WDFY3: variants seen among roughly 807,000 people sequenced by gnomAD.
WDFY3 encodes WD repeat and FYVE domain-containing protein 3.
In WDFY3, 66 loss-of-function variants were observed where a neutral mutation model predicts 409.6. The ratio of observed to expected loss-of-function variants is 0.16; its 90% CI spans 0.13 to 0.20. The LOEUF (loss-of-function observed/expected upper bound fraction) is 0.20, where lower values mean the gene tolerates loss of function less well. Among genes scored for constraint, WDFY3 ranks in the 10% least tolerant of loss-of-function variants. WDFY3 has a pLI of 1.00. For missense variants in WDFY3, 3,031 were observed against 4,298.1 expected, an observed-to-expected ratio of 0.71 and a Z score of 8.24; for synonymous variants, 1,521 against 1,537.1, an observed-to-expected ratio of 0.99 and a Z score of 0.25.
intron 1 of WDFY3, among the ~76,000 whole-genome samples, chr4:84,941,171 A>C (rs1345351773): frequency 6.6e-6 from 1 of 152,068 alleles, no homozygotes; most frequent in East Asian, 1.9e-4. Context: ...GAATGGAAGA[A>C]GTAAAACTGT....
At chr4:84,765,763 A>G (rs1471174600) in intron 32 of WDFY3, 47 bp downstream of exon 32, 8 of 1,553,548 alleles carry the variant, frequency 5.1e-6, no homozygotes, top group Non-Finnish European at 7.1e-6. Flanking sequence ...AAATAAAACA[A>G]AACACACCAG....
intron 3 of WDFY3, among the ~76,000 whole-genome samples, chr4:84,887,748 C>T (rs1012141606): frequency 7.9e-5 from 12 of 152,190 alleles, no homozygotes; most frequent in Non-Finnish European, 1.2e-4. Context: ...GAATTCAAGA[C>T]ATATAAGTCC....
chr4:84,825,660 A>C (rs1325141248), intron 10 of WDFY3, among the ~76,000 whole-genome samples: 1 of 152,136 alleles, frequency 6.6e-6, no homozygotes, highest in East Asian at 1.9e-4. Context: ...GACGCCATCT[A>C]TTTTCACTGA....
rs542226857 is a variant in WDFY3 at position 84,709,215 on chromosome 4, A to C, written c.8097+78T>G. On this transcript the variant is annotated intron_variant, in intron 52 of 67. Transcript: ENST00000295888. ...TCTCTATGGTATATATTTTATGGAT[A>C]ATTAAAGTGCTTTTAACTGTATGAC... 13 of 1,449,462 alleles carry C rather than the reference A, an allele frequency of 9.0e-6. No homozygotes were observed. In the East Asian group the frequency reaches 3.0e-4, roughly 33 times the overall value. The allele number at this position is 1,449,462 out of a possible 1,614,324, so 89.8% of individuals were successfully genotyped here. A position where few individuals can be genotyped will look rare whatever the true frequency, so the allele number is the denominator to read the frequency against.
chr4:84,687,125 T>A (rs1332516288), intron 62 of WDFY3, among the ~76,000 whole-genome samples: 2 of 152,198 alleles, frequency 1.3e-5, no homozygotes, highest in African/African-American at 4.8e-5. Context: ...TTTATTAAAA[T>A]TTTCAACACA....
At chr4:84,703,731 A>T (rs1422704202) in intron 55 of WDFY3, among the ~76,000 whole-genome samples, 1 of 151,912 alleles carries the variant, frequency 6.6e-6, no homozygotes, top group African/African-American at 2.4e-5. Context: ...TCTACTTAAA[A>T]CTGCATCCCA....
intron 3 of WDFY3, among the ~76,000 whole-genome samples, chr4:84,865,454 C>G (rs1761248770): frequency 6.6e-6 from 1 of 152,142 alleles, no homozygotes; most frequent in African/African-American, 2.4e-5. Flanking sequence ...GTAAGTTTAG[C>G]CAGAATTCCC....
intron 23 of WDFY3, 119 bp from the exon 24 acceptor site, chr4:84,786,258 G>T: frequency 1.0e-6 from 1 of 982,080 alleles, no homozygotes; most frequent in Non-Finnish European, 1.4e-6. Flanking sequence ...TAGAATAAGA[G>T]AGGTAAATTT....
intron 46 of WDFY3, among the ~76,000 whole-genome samples, chr4:84,724,016 A>C (rs1239167840): frequency 6.6e-6 from 1 of 152,262 alleles, no homozygotes. Flanking sequence ...GCTAATATGC[A>C]CTAATGACAG....
chr4:84,690,369 T>C (rs1211100253), intron 61 of WDFY3, 137 bp downstream of exon 61: 6 of 1,232,542 alleles, frequency 4.9e-6, no homozygotes, highest in Non-Finnish European at 6.7e-6. Context: ...AAAGTATTTC[T>C]AGCAACAGAA....
At chr4:84,834,478 C>T (rs1054272242) in intron 7 of WDFY3, among the ~76,000 whole-genome samples, 6 of 149,956 alleles carry the variant, frequency 4.0e-5, no homozygotes, top group African/African-American at 1.5e-4. Flanking sequence ...GAAACCTCAT[C>T]TCTACTAAAA....
intron 65 of WDFY3, 22 bp downstream of exon 65, chr4:84,678,897 T>A: frequency 6.3e-7 from 1 of 1,595,024 alleles, no homozygotes; most frequent in African/African-American, 1.3e-5. Flanking sequence ...GAGTGAGAAA[T>A]AGATACCAGA....
intron 44 of WDFY3, among the ~76,000 whole-genome samples, chr4:84,731,072 C>T (rs1560615641): frequency 6.6e-6 from 1 of 152,152 alleles, no homozygotes; most frequent in Non-Finnish European, 1.5e-5. Context: ...GCTGGGATTA[C>T]AGGTGTGAGC....
chr4:84,850,648 T>G (rs561714475), intron 4 of WDFY3, among the ~76,000 whole-genome samples: 1 of 151,986 alleles, frequency 6.6e-6, no homozygotes, highest in East Asian at 2.0e-4. Context: ...AATTTGAGAA[T>G]TTAGAGAAAA....
chr4:84,731,214 T>C (rs1447101654), intron 44 of WDFY3, among the ~76,000 whole-genome samples: 8 of 152,244 alleles, frequency 5.3e-5, no homozygotes. Context: ...TAGCTCATTG[T>C]GCTTTGTAAA....
At position 84,885,285 on chromosome 4, in the gene WDFY3, G is replaced by T. The variant is rs956731650; in HGVS notation, c.-32+11626C>A. Among the ~76,000 whole-genome samples the T allele has an allele frequency of 7.2e-5, 11 of 151,784 alleles. No individual in the cohort carries two copies. In the South Asian group the frequency reaches 1.0e-3, roughly 14 times the overall value. On this transcript the variant is annotated intron_variant, in intron 3 of 67. Coordinates refer to ENST00000295888, the MANE Select transcript of WDFY3 (RefSeq NM_014991.6). ...CTCCCTAAGTGCTGGGATTACAGGA[G>T]TGAGCCACCACGCCTGGCAAATATA...
chr4:84,754,638 G>T (rs1008992237), intron 34 of WDFY3, among the ~76,000 whole-genome samples: 2 of 152,118 alleles, frequency 1.3e-5, no homozygotes, highest in Admixed American at 1.3e-4. Context: ...AGATCAACAG[G>T]AACATCAGTT....
chr4:84,857,340 A>G (rs778891795), intron 4 of WDFY3, among the ~76,000 whole-genome samples: 11 of 152,220 alleles, frequency 7.2e-5, no homozygotes, highest in Non-Finnish European at 1.3e-4. Context: ...CTTCTAGTCT[A>G]GTAGACTGTG....
chr4:84,751,163 C>T, intron 36 of WDFY3: 1 of 371,480 alleles, frequency 2.7e-6, no homozygotes, highest in Non-Finnish European at 5.1e-6. Flanking sequence ...CTACAACATA[C>T]TTGAACAGAT....
Sources: gnomAD v4.1 joint callset for allele counts (sites outside exome capture counted in the v4.1 genomes callset) on GRCh38, gnomAD v4.1.1 for gene constraint, MANE v1.5 for transcripts, NCBI Gene and HGNC (gene_info 2026-07-23, HGNC 2026-07-21) for gene names.